RASA3: variants seen among roughly 807,000 people sequenced by gnomAD.
The protein encoded by RASA3 is RAS p21 protein activator 3.
A neutral mutation model predicts 110.0 loss-of-function variants in RASA3; 73 were observed. The ratio of observed to expected loss-of-function variants is 0.66; its 90% CI spans 0.55 to 0.81. The LOEUF (loss-of-function observed/expected upper bound fraction) is 0.81, where lower values mean the gene tolerates loss of function less well. RASA3 is among the 30% of genes least tolerant of loss of function. The pLI is 0.00. For synonymous variants in RASA3, 500 were observed against 451.4 expected, an observed-to-expected ratio of 1.11 and a Z score of -1.37; for missense variants, 976 against 1,113.2, an observed-to-expected ratio of 0.88 and a Z score of 1.75.
chr13:114,041,072 C>T lies in RASA3; in HGVS notation c.300G>A (p.Glu100=). ...CCCTGTTGTGGTACTTCTGCAAGTCCTCCTTCTGGATGGCCACCTTCCCTG... is the reference window on the plus strand; with the variant it reads ...CCCTGTTGTGGTACTTCTGCAAGTCTTCCTTCTGGATGGCCACCTTCCCTG... The part of the protein sequence containing the change: ...SIIGKVAIQK[E]DLQKYHNRDT... Residue 100 remains glutamate, a synonymous_variant, in exon 4 of 24, where the codon GAG becomes GAA. Transcript: ENST00000334062. 2 of 1,613,850 alleles carry T rather than the reference C, an allele frequency of 1.2e-6. No individual in the cohort carries two copies. The highest frequency in any genetic ancestry group is 1.7e-6 in the Non-Finnish European group (2 of 1,180,036).
intron 4 of RASA3, among the ~76,000 whole-genome samples, chr13:114,032,084 G>A (rs1566504329): frequency 6.6e-6 from 1 of 152,140 alleles, no homozygotes; most frequent in Non-Finnish European, 1.5e-5. Context: ...AATTAGTCAG[G>A]AGATATTTAT....
At chr13:114,098,775 A>G (rs1183848161) in intron 1 of RASA3, among the ~76,000 whole-genome samples, 1 of 152,146 alleles carries the variant, frequency 6.6e-6, no homozygotes, top group African/African-American at 2.4e-5. Context: ...GGCGGGAGAA[A>G]GACCTCAGAA....
chr13:114,104,360 C>T (rs1302015697), intron 1 of RASA3, among the ~76,000 whole-genome samples: 2 of 151,936 alleles, frequency 1.3e-5, no homozygotes, highest in Non-Finnish European at 2.9e-5. Context: ...ACCCCCGATG[C>T]GTCCACACTG....
intron 2 of RASA3, among the ~76,000 whole-genome samples, chr13:114,066,168 AC>A (rs1017888129): frequency 1.5e-5 from 2 of 135,300 alleles, no homozygotes; most frequent in African/African-American, 3.3e-5. Flanking sequence ...CCCACCCCAT[AC>A]CCCCCAAAAA....
chr13:114,025,285 AG>A (rs2054006749), intron 7 of RASA3, among the ~76,000 whole-genome samples: 1 of 152,214 alleles, frequency 6.6e-6, no homozygotes, highest in Admixed American at 6.5e-5. Context: ...ACGCAGGGGC[AG>A]TTCTCTGCTT....
chr13:114,119,096 G>A (rs74116494), intron 1 of RASA3, among the ~76,000 whole-genome samples: 1,658 of 76,864 alleles, frequency 0.022, 36 homozygotes, highest in African/African-American at 0.08. Flanking sequence ...TCTTTTCCCC[G>A]GCCTGGGAAG....
At chr13:114,075,474 C>G (rs61973927) in intron 1 of RASA3, among the ~76,000 whole-genome samples, 9,930 of 79,604 alleles carry the variant, frequency 0.12, 840 homozygotes, top group Admixed American at 0.21. Flanking sequence ...CGTATCTCTG[C>G]GTGTGGAGGC....
chr13:113,998,894 G>C (rs1002095257), intron 20 of RASA3, among the ~76,000 whole-genome samples: 5 of 152,270 alleles, frequency 3.3e-5, no homozygotes, highest in African/African-American at 1.2e-4. Context: ...AACGGGACTG[G>C]ACAGCGGCAA....
At chr13:113,990,190 C>G (rs1333113497) in intron 22 of RASA3, among the ~76,000 whole-genome samples, 2 of 152,118 alleles carry the variant, frequency 1.3e-5, no homozygotes, top group Non-Finnish European at 2.9e-5. Flanking sequence ...GTACAGCCTG[C>G]AGAACTGTGA....
In RASA3 at chr13:114,096,880, G is replaced by A. The variant is rs1373833337; in HGVS notation, c.56-23043C>T. Among the ~76,000 whole-genome samples the A allele has an allele frequency of 1.3e-5, 2 of 152,164 alleles. No individual in the cohort carries two copies. Among genetic ancestry groups the A allele is most frequent in the East Asian group, 1.9e-4 (1 of 5,198 alleles). On this transcript the variant is annotated intron_variant, in intron 1 of 23. Coordinates refer to ENST00000334062, the MANE Select transcript of RASA3 (RefSeq NM_007368.4). This position sits in a 1 kb window ranked among gnomAD's most constrained non-coding sequence, Gnocchi z 5.1. ...TACTCGCCCTACACCCCAGCCAAAC[G>A]CACTCCGTGTTTGCCAACATGTGCG...
chr13:114,043,230 G>A (rs2054453703), intron 3 of RASA3, among the ~76,000 whole-genome samples: 2 of 152,206 alleles, frequency 1.3e-5, no homozygotes, highest in African/African-American at 2.4e-5. Flanking sequence ...ATGGCCACAG[G>A]ACATGGTGGG....
chr13:114,074,016 G>A lies in RASA3; in HGVS notation c.56-179C>T, dbSNP rs113611305. ...CACCCCATGTGTACTGCCGAAAGGC[G>A]AGGGACATGCACGCCACCCTCTAAT... On this transcript the variant is annotated intron_variant, in intron 1 of 23. Coordinates refer to ENST00000334062, the MANE Select transcript of RASA3 (RefSeq NM_007368.4). 4.1e-3 allele frequency among the ~76,000 whole-genome samples: 618 copies of A among 152,334 alleles called. 2 individuals are homozygous for A. Among genetic ancestry groups the A allele is most frequent in the African/African-American group, 0.013 (558 of 41,568 alleles).
chr13:114,122,479 G>C (rs1248598531), intron 1 of RASA3, among the ~76,000 whole-genome samples: 1 of 152,202 alleles, frequency 6.6e-6, no homozygotes, highest in Non-Finnish European at 1.5e-5. Context: ...GCCTGGGCCA[G>C]AATGAAGTAG....
chr13:114,065,820 C>T lies in RASA3; in HGVS notation c.173+7900G>A, dbSNP rs533600970. On this transcript the variant is annotated intron_variant, in intron 2 of 23. Transcript: ENST00000334062. This position sits in a 1 kb window ranked among gnomAD's most constrained non-coding sequence, Gnocchi z 4.1. ...GGTCTCAGCGGAAGCCCCACACACACTGGGTTGCAGCCTCCTGTGGTTCAA... is the reference window on the plus strand; with the variant it reads ...GGTCTCAGCGGAAGCCCCACACACATTGGGTTGCAGCCTCCTGTGGTTCAA... Among the ~76,000 whole-genome samples, 19 of 152,248 alleles carry T rather than the reference C, an allele frequency of 1.2e-4. No individual in the cohort carries two copies. The highest frequency in any genetic ancestry group is 2.4e-4 in the Non-Finnish European group (16 of 68,044).
intron 1 of RASA3, among the ~76,000 whole-genome samples, chr13:114,098,980 G>A (rs1303330560): frequency 3.0e-5 from 4 of 132,580 alleles, no homozygotes; most frequent in African/African-American, 1.1e-4. Flanking sequence ...CCAGACCACA[G>A]CAGTCGGGGC....
At chr13:114,018,504 G>A (rs2053844418) in intron 10 of RASA3, among the ~76,000 whole-genome samples, 1 of 152,210 alleles carries the variant, frequency 6.6e-6, no homozygotes, top group African/African-American at 2.4e-5. Context: ...CCGGTAGAGG[G>A]ACTCTGATGA....
chr13:114,009,109 G>T (rs899120394), intron 17 of RASA3, among the ~76,000 whole-genome samples: 1 of 152,220 alleles, frequency 6.6e-6, no homozygotes, highest in Non-Finnish European at 1.5e-5. Context: ...GGTGGGACGC[G>T]CCCTCATTCG....
chr13:114,069,571 T>G (rs1173064215), intron 2 of RASA3, among the ~76,000 whole-genome samples: 7 of 958 alleles, frequency 7.3e-3, no homozygotes, highest in African/African-American at 0.012. Flanking sequence ...TTGGGAGACT[T>G]GGGGGTCGGG....
intron 21 of RASA3, among the ~76,000 whole-genome samples, chr13:113,994,874 T>C (rs1197964330): frequency 6.6e-6 from 1 of 152,096 alleles, no homozygotes; most frequent in Non-Finnish European, 1.5e-5. Context: ...CCTGGGAGGC[T>C]GAGGTGGGAG....
Sources: gnomAD v4.1 joint callset for allele counts (sites outside exome capture counted in the v4.1 genomes callset) on GRCh38, gnomAD v4.1.1 for gene constraint, Gnocchi (gnomAD v3.1) non-coding constraint, MANE v1.5 for transcripts, NCBI Gene and HGNC (gene_info 2026-07-23, HGNC 2026-07-21) for gene names.